OPCML: variants seen among roughly 807,000 people sequenced by gnomAD.
OPCML encodes opioid binding protein/cell adhesion molecule like, also known as opioid-binding protein/cell adhesion molecule.
In OPCML, 13 loss-of-function variants were observed where a neutral mutation model predicts 37.8. The ratio of observed to expected loss-of-function variants is 0.34; its 90% confidence interval spans 0.22 to 0.55. OPCML has a LOEUF of 0.55. Among genes scored for constraint, OPCML ranks in the 20% least tolerant of loss-of-function variants. The probability of loss-of-function intolerance (pLI) is 0.91; values close to 1 mark genes in which losing one functional copy is unlikely to be tolerated. For missense variants in OPCML, 341 were observed against 435.6 expected, an observed-to-expected ratio of 0.78 and a Z score of 1.93; for synonymous variants, 176 against 168.8, an observed-to-expected ratio of 1.04 and a Z score of -0.33.
chr11:132,509,767 C>A (rs959379159), intron 4 of OPCML, among the ~76,000 whole-genome samples: 2 of 152,284 alleles, frequency 1.3e-5, no homozygotes, highest in Non-Finnish European at 1.5e-5. Context: ...GATGCCCAGG[C>A]AAAAGTTTGC....
chr11:132,792,474 A>G (rs117575968), intron 2 of OPCML, among the ~76,000 whole-genome samples: 2,440 of 152,322 alleles, frequency 0.016, 26 homozygotes, highest in Middle Eastern at 0.031. Flanking sequence ...CCTCATCCCC[A>G]TCCTGGCTCC....
chr11:132,440,871 C>G (rs1250531115), intron 4 of OPCML, among the ~76,000 whole-genome samples: 1 of 152,162 alleles, frequency 6.6e-6, no homozygotes, highest in South Asian at 2.1e-4. Flanking sequence ...ACCTAGGAAG[C>G]TGTAGGGCTG....
intron 1 of OPCML, among the ~76,000 whole-genome samples, chr11:133,327,572 A>G (rs1315730859): frequency 6.6e-6 from 1 of 152,106 alleles, no homozygotes; most frequent in East Asian, 1.9e-4. Flanking sequence ...CTATCTGCCC[A>G]TCTCTTTAGT....
chr11:133,034,312 T>TATGTATAG (rs141951953), intron 1 of OPCML, among the ~76,000 whole-genome samples: 5,317 of 148,690 alleles, frequency 0.036, 351 homozygotes, highest in East Asian at 0.28. Flanking sequence ...TGTATAGGTG[T>TATGTATAG]GTGTGTGTGT....
intron 2 of OPCML, among the ~76,000 whole-genome samples, chr11:132,739,107 T>C (rs1424261111): frequency 6.6e-6 from 1 of 152,198 alleles, no homozygotes; most frequent in Non-Finnish European, 1.5e-5. Context: ...ATATAACAAA[T>C]CTTACTGAAA....
chr11:132,579,385 A>ATGTGTGTGTGTGTGTGTGTGTG (rs66467384), intron 3 of OPCML, among the ~76,000 whole-genome samples: 2 of 146,530 alleles, frequency 1.4e-5, no homozygotes, highest in South Asian at 2.3e-4. Flanking sequence ...TAGAATGAAT[A>ATGTGTGTGTGTGTGTGTGTGTG]TGTGTGTGTG....
At chr11:132,570,349 C>A (rs1050194282) in intron 3 of OPCML, among the ~76,000 whole-genome samples, 20 of 152,138 alleles carry the variant, frequency 1.3e-4, no homozygotes, top group Non-Finnish European at 1.2e-4. Flanking sequence ...CTCTAGATCA[C>A]AATGACATGA....
intron 3 of OPCML, among the ~76,000 whole-genome samples, chr11:132,567,942 C>T (rs1591561753): frequency 6.6e-6 from 1 of 151,970 alleles, no homozygotes. Context: ...GGGAAAATGG[C>T]AACATAATTA....
At chr11:133,478,743 T>G (rs1377533380) in intron 1 of OPCML, among the ~76,000 whole-genome samples, 1 of 152,220 alleles carries the variant, frequency 6.6e-6, no homozygotes, top group African/African-American at 2.4e-5. Context: ...AACACTATTG[T>G]GAGGTTTCAA....
chr11:132,930,635 T>C (rs1945165877), intron 2 of OPCML, among the ~76,000 whole-genome samples: 3 of 152,176 alleles, frequency 2.0e-5, no homozygotes, highest in African/African-American at 7.2e-5. Flanking sequence ...ATAAAATACT[T>C]AGGAATAAAT....
chr11:132,536,639 A>C (rs938424065), intron 3 of OPCML, among the ~76,000 whole-genome samples: 1 of 152,232 alleles, frequency 6.6e-6, no homozygotes, highest in African/African-American at 2.4e-5. Context: ...ATTTTACAAA[A>C]ATAATACCGA....
Position 133,181,257 on chromosome 11 carries a change from G to A in OPCML, c.62-238247C>T, listed in dbSNP as rs538747360. 3.9e-5 allele frequency among the ~76,000 whole-genome samples: 6 copies of A among 151,938 alleles called. No homozygotes were observed. In the East Asian group the frequency reaches 5.8e-4, roughly 15 times the overall value. On this transcript the variant is annotated intron_variant, in intron 1 of 7. Coordinates refer to ENST00000524381, the MANE Select transcript of OPCML (RefSeq NM_001012393.5). Reference sequence around the variant, plus strand: ...GCAAAGGACTAAATACACACACAGCGGTGCACAAGGAAAACCGGGCGAACC... The same window carrying A: ...GCAAAGGACTAAATACACACACAGCAGTGCACAAGGAAAACCGGGCGAACC...
intron 2 of OPCML, among the ~76,000 whole-genome samples, chr11:132,877,084 T>C (rs541155217): frequency 5.8e-4 from 89 of 152,332 alleles, no homozygotes; most frequent in African/African-American, 2.1e-3. Flanking sequence ...CACTTCCCAG[T>C]GTGCCAAGAG....
chr11:132,958,603 A>C (rs1033149974), intron 1 of OPCML, among the ~76,000 whole-genome samples: 16 of 152,114 alleles, frequency 1.1e-4, no homozygotes, highest in African/African-American at 3.6e-4. Flanking sequence ...GGACAGGCTG[A>C]CTCTCCGGTT....
At chr11:133,417,051 C>G (rs898472886) in intron 1 of OPCML, among the ~76,000 whole-genome samples, 2 of 152,136 alleles carry the variant, frequency 1.3e-5, no homozygotes, top group Non-Finnish European at 2.9e-5. Flanking sequence ...GTAAGGTGCC[C>G]AGAGAGAGCA....
intron 3 of OPCML, among the ~76,000 whole-genome samples, chr11:132,542,616 C>T (rs1020061461): frequency 6.6e-6 from 1 of 152,124 alleles, no homozygotes; most frequent in Non-Finnish European, 1.5e-5. Context: ...CCCTGCTCTG[C>T]ACCATGAACA....
At chr11:132,470,132 A>G (rs144953660) in intron 4 of OPCML, among the ~76,000 whole-genome samples, 72 of 152,230 alleles carry the variant, frequency 4.7e-4, no homozygotes, top group African/African-American at 1.7e-3. Context: ...TTAAAAGATG[A>G]CTACTGAATA....
At chr11:133,119,261 C>T (rs539684421) in intron 1 of OPCML, among the ~76,000 whole-genome samples, 101 of 152,046 alleles carry the variant, frequency 6.6e-4, no homozygotes, top group African/African-American at 2.4e-3. Context: ...GTCCTTTGCT[C>T]AGGGGCCAAA....
intron 1 of OPCML, among the ~76,000 whole-genome samples, chr11:133,029,721 G>C (rs955164775): frequency 6.6e-6 from 1 of 152,042 alleles, no homozygotes; most frequent in Non-Finnish European, 1.5e-5. Context: ...GTTTCAAAAA[G>C]TGTGAGGGGC....
Sources: gnomAD v4.1 joint callset for allele counts (sites outside exome capture counted in the v4.1 genomes callset) on GRCh38, gnomAD v4.1.1 for gene constraint, MANE v1.5 for transcripts, NCBI Gene and HGNC (gene_info 2026-07-23, HGNC 2026-07-21) for gene names.